The following TTN variants were observed in gnomAD, a reference collection of about 807,000 sequenced individuals.
TTN encodes the protein titin, also known as connectin.
In TTN, 1,525 loss-of-function variants were observed where a neutral mutation model predicts 3,223.0. The observed-to-expected ratio is 0.47, with a 90% CI of 0.45 to 0.49. TTN has a LOEUF of 0.49. TTN is among the 20% of genes least tolerant of loss of function. The probability of loss-of-function intolerance (pLI) is 0.00; values close to 1 mark genes in which losing one functional copy is unlikely to be tolerated. For missense variants in TTN, 40,786 were observed against 43,424.0 expected, an observed-to-expected ratio of 0.94 and a Z score of 5.40; for synonymous variants, 14,094 against 15,161.0, an observed-to-expected ratio of 0.93 and a Z score of 5.17.
Position 178,558,170 on chromosome 2 carries a change from G to C in TTN, c.87184C>G (p.Leu29062Val), listed in dbSNP as rs1293928808. ...CCAGAGATTGGAATGTCAACTTTAA[G>C]GTTTGAACCAGCTCTAACATATACA... ...HTVYVRAGSN[L>V]KVDIPISGKP... The change falls in exon 328 of 363, where the codon CTT becomes GTT. Residue 29062 changes from leucine to valine, a missense_variant. By Grantham distance (32) the Leu-to-Val change is conservative (BLOSUM62 1). Transcript: ENST00000589042. The C allele has an allele frequency of 6.2e-7, 1 of 1,613,700 alleles. No homozygotes were observed.
At chr2:178,616,088 A>G (rs1474405666) in intron 257 of TTN, among the ~76,000 whole-genome samples, 1 of 151,980 alleles carries the variant, frequency 6.6e-6, no homozygotes, top group Non-Finnish European at 1.5e-5. Flanking sequence ...AGTAACTAAT[A>G]TAAACACAAG....
intron 144 of TTN, 56 bp from the exon 145 acceptor site, chr2:178,678,264 A>G (rs1346894337): frequency 3.2e-6 from 5 of 1,552,168 alleles, no homozygotes; most frequent in Non-Finnish European, 4.4e-6. Context: ...TCTTAGAGCA[A>G]TAGATATGAA....
Position 178,663,530 on chromosome 2 carries a change from A to G in TTN, c.36533-14T>C. The G allele has an allele frequency of 6.2e-7, 1 of 1,613,462 alleles. No individual in the cohort carries two copies. The highest frequency in any genetic ancestry group is 1.7e-5 in the Admixed American group (1 of 59,898). On this transcript the variant is annotated splice_polypyrimidine_tract_variant and intron_variant, in intron 171 of 362. Transcript: ENST00000589042. Reference sequence around the variant, plus strand: ...GAGCCTCAGGCACTTGAAAGATATTAGTGAAATTACATTTAGGCATTATGA... The same window carrying G: ...GAGCCTCAGGCACTTGAAAGATATTGGTGAAATTACATTTAGGCATTATGA...
In TTN at chr2:178,548,403, A is replaced by G. The variant is rs956327300; in HGVS notation, c.93223T>C (p.Phe31075Leu). Residue 31075 changes from phenylalanine (F) to leucine (L), a missense_variant, in exon 339 of 363, where the codon TTC (phenylalanine) becomes CTC (leucine). Phe to Leu is a conservative substitution (Grantham distance 22). Transcript: ENST00000589042. This position sits in a 1 kb window ranked among gnomAD's most constrained non-coding sequence, Gnocchi z 4.3. ...VISEKCTRQI[F>L]KVNDLAEGVP... ...CCTTCGGCCAGGTCATTGACCTTGA[A>G]GATCTGACGAGTGCATTTTTCACTG... 9.3e-6 allele frequency: 15 copies of G among 1,613,860 alleles called. No individual in the cohort carries two copies. Among genetic ancestry groups the G allele is most frequent in the African/African-American group, 1.3e-5 (1 of 75,050 alleles).
intron 357 of TTN, 64 bp from the exon 358 acceptor site, chr2:178,535,913 G>A (rs926430897): frequency 1.3e-6 from 2 of 1,505,706 alleles, no homozygotes; most frequent in African/African-American, 2.8e-5. Flanking sequence ...GTGTTTAAGT[G>A]CAATAGCCTC....
Position 178,559,755 on chromosome 2 carries a change from T to C in TTN, c.86377A>G (p.Thr28793Ala), listed in dbSNP as rs727505234. ...VPNVLWSKPD[T>A]DLRTRAYVDT... The stretch of plus-strand genomic sequence containing the variant: ...ACATAAGCTCTAGTACGGAGGTCAG[T>C]GTCTGGCTTACTCCACAAGACATTG... Residue 28793 changes from threonine (T) to alanine (A), a missense_variant, in exon 326 of 363, where the codon ACT becomes GCT. Coordinates refer to ENST00000589042, the MANE Select transcript of TTN (RefSeq NM_001267550.2). 9 of 1,599,476 alleles carry C rather than the reference T, an allele frequency of 5.6e-6. No homozygotes were observed. The highest frequency in any genetic ancestry group is 6.8e-6 in the Non-Finnish European group (8 of 1,172,412).
Position 178,587,979 on chromosome 2 carries a change from A to G in TTN, c.63428T>C (p.Phe21143Ser). Residue 21143 changes from phenylalanine (F) to serine (S), a missense_variant, in exon 305 of 363, where the codon TTC becomes TCC. Transcript: ENST00000589042. The part of the protein sequence containing the change: ...TSLDENQEYE[F>S]RVCAQNQVGI... The stretch of plus-strand genomic sequence containing the variant: ...AACTTGGTTTTGGGCACACACCCTG[A>G]ACTCATATTCCTGGTTTTCATCCAA... 6.2e-7 allele frequency: 1 copy of G among 1,612,176 alleles called. No homozygotes were observed. Among genetic ancestry groups the G allele is most frequent in the East Asian group, 2.2e-5 (1 of 44,538 alleles).
intron 240 of TTN, 30 bp downstream of exon 240, chr2:178,629,271 C>A: frequency 1.2e-6 from 2 of 1,606,216 alleles, no homozygotes; most frequent in South Asian, 2.2e-5. Flanking sequence ...AGAAAAAGAA[C>A]GGGAAAGACA....
chr2:178,678,359 T>C, intron 144 of TTN, 55 bp downstream of exon 144: 1 of 1,510,886 alleles, frequency 6.6e-7, no homozygotes, highest in Non-Finnish European at 9.0e-7. Flanking sequence ...TGTATGTGAG[T>C]ATACATAGAT....
rs1309744961 is a variant in TTN at position 178,557,666 on chromosome 2, T to A, written c.87688A>T (p.Thr29230Ser). 2 of 1,613,804 alleles carry A rather than the reference T, an allele frequency of 1.2e-6. No homozygotes were observed. The highest frequency in any genetic ancestry group is 2.7e-5 in the African/African-American group (2 of 75,026). The change falls in exon 328 of 363, where the codon ACT becomes TCT. Residue 29230 changes from threonine to serine, a missense_variant. Coordinates refer to ENST00000589042, the MANE Select transcript of TTN (RefSeq NM_001267550.2). ...ISDHIDSACV[T>S]VKLPYTTPGP... ...AACTTACTGTATGGTAGTTTGACAG[T>A]CACACAAGCTGAATCTATATGATCA...
In TTN at chr2:178,549,602, T is replaced by G. The variant is rs778868795; in HGVS notation, c.92120A>C (p.Asp30707Ala). Residue 30707 changes from aspartate to alanine, a missense_variant, in exon 338 of 363, where the codon GAT (aspartate) becomes GCT (alanine). Physicochemically the swap from Asp to Ala is moderately radical, Grantham distance 126. Coordinates refer to ENST00000589042, the MANE Select transcript of TTN (RefSeq NM_001267550.2). ...VNKFGVGRPL[D>A]SDPVVAQIQY... Reference sequence around the variant, plus strand: ...TATTTGAGCAACCACTGGATCAGAATCAAGTGGCCTGCCAACACCAAACTT... The same window carrying G: ...TATTTGAGCAACCACTGGATCAGAAGCAAGTGGCCTGCCAACACCAAACTT... The G allele has an allele frequency of 2.2e-5, 36 of 1,613,436 alleles. No individual in the cohort carries two copies. Among genetic ancestry groups the G allele is most frequent in the Non-Finnish European group, 3.0e-5 (35 of 1,179,544 alleles).
In TTN at chr2:178,775,721, T is replaced by C; in HGVS notation, c.6143A>G (p.Glu2048Gly). Residue 2048 changes from glutamate (E) to glycine (G), a missense_variant, in exon 28 of 363, where the codon GAG becomes GGG. By Grantham distance (98) the Glu-to-Gly change is moderately conservative. Transcript: ENST00000589042. ...LLHWTKELTE[E>G]EKKALAEEGK... ...TTCTTCGGCAAGAGCTTTCTTTTCC[T>C]CTTCAGTTAACTCTTTGGTCCAGTG... 1 of 1,614,162 alleles carries C rather than the reference T, an allele frequency of 6.2e-7. No individual in the cohort carries two copies. The highest frequency in any genetic ancestry group is 8.5e-7 in the Non-Finnish European group (1 of 1,180,006).
chr2:178,622,082 T>A (rs1576571620), intron 243 of TTN, 74 bp from the exon 244 acceptor site: 1 of 1,405,412 alleles, frequency 7.1e-7, no homozygotes, highest in Non-Finnish European at 9.6e-7. Context: ...AAAACTATGA[T>A]CCTGAGTTTT....
rs768114149 is a variant in TTN at position 178,576,361 on chromosome 2, A to C, written c.69771T>G (p.Ala23257=). 1.9e-6 allele frequency: 3 copies of C among 1,558,006 alleles called. No individual in the cohort carries two copies. Among genetic ancestry groups the C allele is most frequent in the Admixed American group, 2.1e-5 (1 of 47,276 alleles). Residue 23257 remains alanine (A), a synonymous_variant, in exon 326 of 363, where the codon GCT becomes GCG. Transcript: ENST00000589042. This position sits in a 1 kb window ranked among gnomAD's most constrained non-coding sequence, Gnocchi z 4.3. Reference sequence around the variant, plus strand: ...AATGAGGCTTGCCCCATGCCAAAGAAGCAGATTTCTTGGTAGTATCAGTGA... The same window carrying C: ...AATGAGGCTTGCCCCATGCCAAAGACGCAGATTTCTTGGTAGTATCAGTGA... ...PHVTDTTKKS[A]SLAWGKPHYD... is the part of the protein sequence containing the mutation.
At chr2:178,761,408 G>A (rs978618821) in intron 43 of TTN, among the ~76,000 whole-genome samples, 3 of 152,082 alleles carry the variant, frequency 2.0e-5, no homozygotes, top group Non-Finnish European at 4.4e-5. Flanking sequence ...ACTTTAGCAC[G>A]GCCTTTGCTG....
chr2:178,677,136 T>G (rs942689185), intron 147 of TTN, 65 bp downstream of exon 147: 57 of 1,085,682 alleles, frequency 5.3e-5, no homozygotes, highest in Non-Finnish European at 6.2e-5. Flanking sequence ...TAAAACCCAG[T>G]TTCATCATAA....
At position 178,720,004 on chromosome 2, in the gene TTN, A is replaced by T. The variant is rs1158110251; in HGVS notation, c.23638T>A (p.Ser7880Thr). 1.2e-6 allele frequency: 2 copies of T among 1,611,254 alleles called. No individual in the cohort carries two copies. Among genetic ancestry groups the T allele is most frequent in the East Asian group, 4.5e-5 (2 of 44,766 alleles). ...IKNDAGMRECSAVLTVLEPAR... is the reference protein window; with the variant it reads ...IKNDAGMRECTAVLTVLEPAR... Reference sequence around the variant, plus strand: ...TAACCTAGTACAGTCAAGACTGCAGAGCATTCTCTCATTCCAGCATCGTTT... The same window carrying T: ...TAACCTAGTACAGTCAAGACTGCAGTGCATTCTCTCATTCCAGCATCGTTT... Residue 7880 changes from serine to threonine, a missense_variant, in exon 81 of 363, where the codon TCT (serine) becomes ACT (threonine). Coordinates refer to ENST00000589042, the MANE Select transcript of TTN (RefSeq NM_001267550.2).
chr2:178,733,020 T>C lies in TTN; in HGVS notation c.16156A>G (p.Met5386Val), dbSNP rs567457007. 34 of 1,613,482 alleles carry C rather than the reference T, an allele frequency of 2.1e-5. No individual in the cohort carries two copies. In the African/African-American group the frequency reaches 3.7e-4, roughly 18 times the overall value. The change falls in exon 55 of 363, where the codon ATG becomes GTG. Residue 5386 changes from methionine (M) to valine (V), a missense_variant. Coordinates refer to ENST00000589042, the MANE Select transcript of TTN (RefSeq NM_001267550.2). ...LDCKIAGSLP[M>V]RVSWFKDGKE... ...CCATCCTTAAACCAGGACACCCTCA[T>C]GGGGAGGGAGCCTGCAATTTTGCAG...
rs762688179 is a variant in TTN at position 178,784,326 on chromosome 2, G to C, written c.2519C>G (p.Ala840Gly). The part of the protein sequence containing the change: ...YEASIAGSAI[A>G]TLQKELSATS... ...GGCTGACAACTCTTTTTGTAATGTG[G>C]CAATAGCACTACCGGCTATTGATGC... is the stretch of plus-strand genomic sequence containing the variant. Residue 840 changes from alanine (A) to glycine (G), a missense_variant, in exon 16 of 363, where the codon GCC becomes GGC. By Grantham distance (60) the Ala-to-Gly change is moderately conservative. Transcript: ENST00000589042. 1 of 1,614,054 alleles carries C rather than the reference G, an allele frequency of 6.2e-7. No homozygotes were observed. Among genetic ancestry groups the C allele is most frequent in the South Asian group, 1.1e-5 (1 of 91,084 alleles).
Sources: allele counts gnomAD v4.1 joint callset (sites outside exome capture counted in the v4.1 genomes callset), GRCh38; gene constraint gnomAD v4.1.1; non-coding constraint Gnocchi (gnomAD v3.1); transcripts MANE v1.5; gene names NCBI Gene and HGNC (gene_info 2026-07-23, HGNC 2026-07-21).